ACTR3C: variants seen among roughly 807,000 people sequenced by gnomAD.
ACTR3C encodes actin-related protein 3C.
Under a neutral mutation model 26.3 loss-of-function variants are expected in ACTR3C, and 18 were observed. The observed-to-expected ratio is 0.68, with a 90% CI of 0.47 to 1.01. ACTR3C has a LOEUF of 1.01. Among genes scored for constraint, ACTR3C ranks in the 50% least tolerant of loss-of-function variants. The pLI, the probability that ACTR3C is intolerant of heterozygous loss-of-function variation, is 0.00. For missense variants in ACTR3C, 184 were observed against 250.7 expected, an observed-to-expected ratio of 0.73 and a Z score of 1.80; for synonymous variants, 55 against 94.5, an observed-to-expected ratio of 0.58 and a Z score of 2.42.
At chr7:149,898,607 G>C in the ACTR3C span, among the ~76,000 whole-genome samples, 1 of 106,706 alleles carries the variant, frequency 9.4e-6, no homozygotes, top group Non-Finnish European at 2.4e-5. Context: ...AGGAGGCTGA[G>C]TGAGACAGGA....
chr7:150,110,499 G>GC, the ACTR3C span, among the ~76,000 whole-genome samples: 1 of 91,896 alleles, frequency 1.1e-5, no homozygotes, highest in Admixed American at 1.2e-4. Flanking sequence ...CTGGCTGGAG[G>GC]AGGTGGGGCT....
downstream of ACTR3C, among the ~76,000 whole-genome samples, chr7:150,239,850 C>CAAGT (rs1406637884): frequency 6.6e-6 from 1 of 151,894 alleles, no homozygotes; most frequent in Non-Finnish European, 1.5e-5. Context: ...TTCCCAGGCT[C>CAAGT]AAGTGATCCT....
chr7:149,888,667 G>A, the ACTR3C span, among the ~76,000 whole-genome samples: 1 of 152,178 alleles, frequency 6.6e-6, no homozygotes, highest in Non-Finnish European at 1.5e-5. Context: ...AGGAGGAAGT[G>A]GGGAGAGAGG....
chr7:150,015,042 T>A, the ACTR3C span, among the ~76,000 whole-genome samples: 2 of 152,154 alleles, frequency 1.3e-5, no homozygotes, highest in Admixed American at 6.5e-5. Flanking sequence ...TGAAGATGAA[T>A]GTAGAAGAGA....
At chr7:150,034,897 G>C in the ACTR3C span, among the ~76,000 whole-genome samples, 9,925 of 147,978 alleles carry the variant, frequency 0.067, 613 homozygotes, top group Middle Eastern at 0.11. Context: ...ACCTCGCGGG[G>C]GGTGCCTCCC....
chr7:150,211,384 C>T, the ACTR3C span, among the ~76,000 whole-genome samples: 1,766 of 151,462 alleles, frequency 0.012, 51 homozygotes, highest in African/African-American at 0.041. Context: ...TGGGTTCAAG[C>T]GATTCTCCTG....
chr7:150,232,633 A>G, the ACTR3C span, among the ~76,000 whole-genome samples: 3 of 146,384 alleles, frequency 2.0e-5, no homozygotes, highest in Non-Finnish European at 4.4e-5. Flanking sequence ...AGGCCAGCCT[A>G]GCCAACATGG....
chr7:150,158,945 G>GCA, the ACTR3C span, among the ~76,000 whole-genome samples: 7 of 146,930 alleles, frequency 4.8e-5, no homozygotes, highest in African/African-American at 7.7e-5. Context: ...AGACACACGG[G>GCA]CACACACAGG....
the ACTR3C span, among the ~76,000 whole-genome samples, chr7:150,027,297 G>A: frequency 2.0e-5 from 3 of 151,922 alleles, no homozygotes. Flanking sequence ...TTGAGACGGA[G>A]TCTCGCTCTA....
the ACTR3C span, among the ~76,000 whole-genome samples, chr7:150,057,781 G>T: frequency 6.6e-6 from 1 of 152,090 alleles, no homozygotes; most frequent in Admixed American, 6.5e-5. Context: ...CATCTCAATG[G>T]GTAAACTACA....
At chr7:149,970,820 C>T in the ACTR3C span, among the ~76,000 whole-genome samples, 6 of 152,228 alleles carry the variant, frequency 3.9e-5, no homozygotes, top group African/African-American at 1.2e-4. Context: ...GATCCCTACA[C>T]CATGAATAGC....
intron 1 of ACTR3C, among the ~76,000 whole-genome samples, chr7:150,300,504 C>T (rs1184002178): frequency 6.6e-6 from 1 of 152,084 alleles, no homozygotes; most frequent in Non-Finnish European, 1.5e-5. Context: ...GGGGGGCACG[C>T]TCTCTAGAAA....
chr7:150,151,549 G>A, the ACTR3C span, among the ~76,000 whole-genome samples: 1 of 136,484 alleles, frequency 7.3e-6, no homozygotes, highest in Non-Finnish European at 1.6e-5. Flanking sequence ...CCAGATCTCT[G>A]TCTGAATTTG....
intron 1 of ACTR3C, among the ~76,000 whole-genome samples, chr7:150,321,434 T>A (rs1797503933): frequency 1.3e-5 from 2 of 152,202 alleles, no homozygotes; most frequent in African/African-American, 4.8e-5. Context: ...GGAGATCAAC[T>A]GAAATTAAAA....
chr7:149,947,062 G>A, the ACTR3C span, among the ~76,000 whole-genome samples: 2 of 151,698 alleles, frequency 1.3e-5, no homozygotes, highest in Non-Finnish European at 2.9e-5. Flanking sequence ...GGGGTACCAC[G>A]GTGGGGAGTG....
chr7:150,179,603 A>G, the ACTR3C span, among the ~76,000 whole-genome samples: 3 of 148,974 alleles, frequency 2.0e-5, no homozygotes, highest in Non-Finnish European at 4.4e-5. Flanking sequence ...CTCCCACCTT[A>G]GCCTCCCAAG....
the ACTR3C span, among the ~76,000 whole-genome samples, chr7:150,140,054 G>GCA: frequency 2.0e-5 from 3 of 151,790 alleles, no homozygotes; most frequent in African/African-American, 4.8e-5. Context: ...GCACACACAT[G>GCA]CACACACACA....
chr7:149,937,082 G>T, the ACTR3C span, among the ~76,000 whole-genome samples: 1 of 152,130 alleles, frequency 6.6e-6, no homozygotes, highest in Non-Finnish European at 1.5e-5. Context: ...GAGACACTGC[G>T]ACTGGCCATC....
At chr7:150,011,148 A>T in the ACTR3C span, among the ~76,000 whole-genome samples, 1 of 152,188 alleles carries the variant, frequency 6.6e-6, no homozygotes, top group Admixed American at 6.5e-5. Flanking sequence ...GTATTCATTC[A>T]TCTTGACCTG....
Sources: allele counts gnomAD v4.1 joint callset (sites outside exome capture counted in the v4.1 genomes callset), GRCh38; gene constraint gnomAD v4.1.1; transcripts MANE v1.5; gene names NCBI Gene and HGNC (gene_info 2026-07-23, HGNC 2026-07-21).